EGFLAM: variants seen among roughly 807,000 people sequenced by gnomAD.
The protein encoded by EGFLAM is EGF like, fibronectin type III and laminin G domains, also known as pikachurin.
EGFLAM carries 79 observed loss-of-function variants against 113.1 expected under a neutral mutation model. The observed-to-expected ratio is 0.70, with a 90% confidence interval of 0.58 to 0.84. The LOEUF (loss-of-function observed/expected upper bound fraction) is 0.84, where lower values mean the gene tolerates loss of function less well. Ranked by LOEUF, EGFLAM falls within the 40% of genes least tolerant of loss-of-function variation. The probability of loss-of-function intolerance (pLI) is 0.00; values close to 1 mark genes in which losing one functional copy is unlikely to be tolerated. For synonymous variants in EGFLAM, 504 were observed against 487.6 expected, an observed-to-expected ratio of 1.03 and a Z score of -0.44; for missense variants, 1,265 against 1,291.6, an observed-to-expected ratio of 0.98 and a Z score of 0.32.
rs1561111087 is a variant in EGFLAM, at chr5:38,463,902, C to CTTCA, written c.2947_2950dup (p.Thr984IlefsTer137). 6.2e-7 allele frequency: 1 copy of CTTCA among 1,614,246 alleles called. No homozygotes were observed. The highest frequency in any genetic ancestry group is 1.1e-5 in the South Asian group (1 of 91,082). On this transcript the variant is annotated frameshift_variant, in exon 22 of 22. Coordinates refer to ENST00000322350, the MANE Select transcript of EGFLAM (RefSeq NM_152403.4). LOFTEE classifies it high-confidence loss of function. ...GAGGGCTCGTGGGCTGTATCTCTCACTTCACCCTGTCCACCGATTACCACA... is the reference window on the plus strand; with the variant it reads ...GAGGGCTCGTGGGCTGTATCTCTCACTTCATTCACCCTGTCCACCGATTACCACA...
At chr5:38,260,040 C>A (rs562245441) in intron 1 of EGFLAM, among the ~76,000 whole-genome samples, 1 of 152,150 alleles carries the variant, frequency 6.6e-6, no homozygotes, top group Admixed American at 6.5e-5. Flanking sequence ...AATCTAAGGT[C>A]ATTATCATAA....
rs540272208 is a variant in EGFLAM, at chr5:38,436,848, C to G, written c.2284-1427C>G. 3.5e-4 allele frequency among the ~76,000 whole-genome samples: 53 copies of G among 152,358 alleles called. No individual in the cohort carries two copies. In the South Asian group the frequency reaches 0.01, roughly 30 times the overall value. On this transcript the variant is annotated intron_variant, in intron 16 of 21. Transcript: ENST00000322350. ...GGAGATTGTAGAAGGATCCTGGCTA[C>G]TTTCTAGCAGCTTCTCAGATTCAGG...
intron 20 of EGFLAM, among the ~76,000 whole-genome samples, chr5:38,458,953 A>G (rs1743180967): frequency 6.6e-6 from 1 of 151,152 alleles, no homozygotes; most frequent in African/African-American, 2.4e-5. Context: ...AGCCTGGGTG[A>G]CAGAGTGAGA....
rs1579766556 is a variant in EGFLAM at position 38,318,963 on chromosome 5, C to G, written c.98-18557C>G. Reference sequence around the variant, plus strand: ...TGGTTCCTGAGGTTATCTGAGAGAACTTTCTAGAAGGCTGGTTGGAGATGT... The same window carrying G: ...TGGTTCCTGAGGTTATCTGAGAGAAGTTTCTAGAAGGCTGGTTGGAGATGT... On this transcript the variant is annotated intron_variant, in intron 1 of 21. Coordinates refer to ENST00000322350, the MANE Select transcript of EGFLAM (RefSeq NM_152403.4). 2.6e-5 allele frequency among the ~76,000 whole-genome samples: 4 copies of G among 152,292 alleles called. No homozygotes were observed. In the South Asian group the frequency reaches 6.2e-4, roughly 24 times the overall value.
At chr5:38,442,389 A>C (rs1370910681) in intron 17 of EGFLAM, among the ~76,000 whole-genome samples, 1 of 147,552 alleles carries the variant, frequency 6.8e-6, no homozygotes, top group African/African-American at 2.5e-5. Context: ...TTTAATACTA[A>C]ATATGAAATT....
chr5:38,301,397 C>T lies in EGFLAM; in HGVS notation c.98-36123C>T, dbSNP rs369473820. 1.6e-3 allele frequency among the ~76,000 whole-genome samples: 238 copies of T among 152,144 alleles called. 6 individuals carry two copies. The South Asian group carries it at 0.048, about 31-fold the overall frequency. ...GGGTTTAAGCAAAGGCAGAGGACAC[C>T]GGTGCCTTTGAAGAAAGGTATTTTA... On this transcript the variant is annotated intron_variant, in intron 1 of 21. Coordinates refer to ENST00000322350, the MANE Select transcript of EGFLAM (RefSeq NM_152403.4).
chr5:38,277,186 T>C (rs1411442411), intron 1 of EGFLAM, among the ~76,000 whole-genome samples: 1 of 152,092 alleles, frequency 6.6e-6, no homozygotes, highest in African/African-American at 2.4e-5. Flanking sequence ...ACAAACCAAA[T>C]TCAACAGTGT....
At chr5:38,346,532 AG>A (rs1739475804) in intron 3 of EGFLAM, 1 of 152,222 alleles carries the variant, frequency 6.6e-6, no homozygotes, top group African/African-American at 2.4e-5. Context: ...AGCTATACAT[AG>A]CCTTCTTTCC....
intron 1 of EGFLAM, among the ~76,000 whole-genome samples, chr5:38,311,437 T>G (rs554486384): frequency 5.3e-5 from 8 of 152,198 alleles, no homozygotes. Flanking sequence ...AGTGAGATCA[T>G]GCGATCTTTG....
intron 1 of EGFLAM, among the ~76,000 whole-genome samples, chr5:38,314,271 C>CT (rs1200182963): frequency 2.0e-5 from 3 of 152,262 alleles, no homozygotes; most frequent in South Asian, 4.1e-4. Flanking sequence ...TCCAAGATGT[C>CT]TTTTTTATCA....
At chr5:38,349,311 G>T (rs988279286) in intron 3 of EGFLAM, among the ~76,000 whole-genome samples, 1 of 152,266 alleles carries the variant, frequency 6.6e-6, no homozygotes, top group South Asian at 2.1e-4. Flanking sequence ...AGGTGTCAAA[G>T]GGAGGGCTTG....
Position 38,366,308 on chromosome 5 carries a change from A to G in EGFLAM, c.546-3988A>G, listed in dbSNP as rs2042927. Among the ~76,000 whole-genome samples, 974 of 152,306 alleles carry G rather than the reference A, an allele frequency of 6.4e-3. 13 individuals are homozygous for G. The highest frequency in any genetic ancestry group is 0.021 in the African/African-American group (880 of 41,558). On this transcript the variant is annotated intron_variant, in intron 5 of 21. Transcript: ENST00000322350. ...GACCTATTCAAATACAGTTCTTGAA[A>G]TGTGCTATTTTGCGCTGGCTTCCTA...
At chr5:38,412,042 C>T (rs1283705642) in intron 10 of EGFLAM, among the ~76,000 whole-genome samples, 9 of 152,136 alleles carry the variant, frequency 5.9e-5, no homozygotes, top group Admixed American at 1.3e-4. Flanking sequence ...TCAGGTGATC[C>T]GCCCGCCTTC....
At chr5:38,330,535 C>T (rs529907194) in intron 1 of EGFLAM, among the ~76,000 whole-genome samples, 1 of 152,308 alleles carries the variant, frequency 6.6e-6, no homozygotes, top group African/African-American at 2.4e-5. Context: ...GAATTAATTT[C>T]TTCAGTCTTT....
chr5:38,431,718 C>T (rs1433820960), intron 15 of EGFLAM, among the ~76,000 whole-genome samples: 1 of 152,138 alleles, frequency 6.6e-6, no homozygotes, highest in Non-Finnish European at 1.5e-5. Context: ...AATTACTTAC[C>T]AGTGGTGTGA....
intron 1 of EGFLAM, among the ~76,000 whole-genome samples, chr5:38,274,328 A>G (rs7723955): frequency 0.41 from 62,963 of 152,044 alleles, 13,571 homozygotes; most frequent in Middle Eastern, 0.58. Flanking sequence ...GGAGAAAGAT[A>G]TAAATATCAA....
At chr5:38,332,122 C>T (rs2561126) in intron 1 of EGFLAM, among the ~76,000 whole-genome samples, 56,982 of 151,994 alleles carry the variant, frequency 0.37, 14,397 homozygotes, top group African/African-American at 0.72. Flanking sequence ...GCCATTCTAA[C>T]AGGCATACAG....
At chr5:38,301,049 G>A (rs1395209397) in intron 1 of EGFLAM, among the ~76,000 whole-genome samples, 1 of 152,146 alleles carries the variant, frequency 6.6e-6, no homozygotes. Context: ...GTTGTTACAT[G>A]GGAGTTGCTT....
intron 5 of EGFLAM, among the ~76,000 whole-genome samples, chr5:38,359,457 T>G (rs1245850175): frequency 3.3e-5 from 5 of 152,250 alleles, no homozygotes; most frequent in Middle Eastern, 3.4e-3. Context: ...GGCAGATAAC[T>G]TGAGGCCAGG....
Sources: gnomAD v4.1 joint callset for allele counts (sites outside exome capture counted in the v4.1 genomes callset) on GRCh38, gnomAD v4.1.1 for gene constraint, MANE v1.5 for transcripts, NCBI Gene and HGNC (gene_info 2026-07-23, HGNC 2026-07-21) for gene names.